ABCA6: variants seen among roughly 807,000 people sequenced by gnomAD.
ABCA6 encodes ATP-binding cassette sub-family A member 6.
ABCA6 carries 164 observed loss-of-function variants against 191.2 expected under a neutral mutation model. That is an observed-to-expected ratio of 0.86 (90% confidence interval 0.76 to 0.98). The LOEUF is 0.98. Among genes scored for constraint, ABCA6 ranks in the 50% least tolerant of loss-of-function variants. The pLI, the probability that ABCA6 is intolerant of heterozygous loss-of-function variation, is 0.00. For synonymous variants in ABCA6, 636 were observed against 647.7 expected (o/e 0.98, Z 0.27); for missense variants, 1,958 against 1,894.1 (o/e 1.03, Z -0.63).
intron 18 of ABCA6, among the ~76,000 whole-genome samples, chr17:69,107,000 A>G (rs2073321151): frequency 6.6e-6 from 1 of 152,164 alleles, no homozygotes; most frequent in Non-Finnish European, 1.5e-5. Context: ...ATAGCCAATC[A>G]TTACACCTAA....
rs1306399098 is a variant in ABCA6 at position 69,103,004 on chromosome 17, G to A, written c.2741-36C>T. On this transcript the variant is annotated intron_variant, in intron 20 of 38. Transcript: ENST00000284425. ...GTTAATAAGAGAAGGCCATAGAAAA[G>A]TAAGAAAATACATATCAAACTTTTA... 7 of 1,306,742 alleles carry A rather than the reference G, an allele frequency of 5.4e-6. No individual in the cohort carries two copies. The South Asian group carries it at 9.4e-5, about 18-fold the overall frequency. 80.9% of individuals were successfully genotyped at this position (1,306,742 alleles called of 1,614,324 possible). A position where few individuals can be genotyped will look rare whatever the true frequency, so the allele number is the denominator to read the frequency against.
chr17:69,124,518 C>T (rs541709958), intron 9 of ABCA6, among the ~76,000 whole-genome samples: 16 of 151,946 alleles, frequency 1.1e-4, no homozygotes, highest in African/African-American at 3.1e-4. Context: ...AATGGCCTCC[C>T]GAGAGCCAAA....
Position 69,114,808 on chromosome 17 carries a change from A to C in ABCA6, c.1736T>G (p.Leu579Arg). ...ATGAATCCCTTTTATTTTAGCAAAC[A>C]GGCTGAGGTTTTCCTTCACGGTGAG... ...DILTVKENLS[L>R]FAKIKGIHLK... The change falls in exon 13 of 39, where the codon CTG (leucine) becomes CGG (arginine). Residue 579 changes from leucine (L) to arginine (R), a missense_variant. Physicochemically the swap from Leu to Arg is moderately radical, Grantham distance 102. Coordinates refer to ENST00000284425, the MANE Select transcript of ABCA6 (RefSeq NM_080284.3). The C allele has an allele frequency of 6.2e-7, 1 of 1,612,382 alleles. No homozygotes were observed. The highest frequency in any genetic ancestry group is 8.5e-7 in the Non-Finnish European group (1 of 1,179,164).
intron 12 of ABCA6, 43 bp from the exon 13 acceptor site, chr17:69,114,980 T>C (rs377306181): frequency 6.9e-4 from 961 of 1,394,296 alleles, no homozygotes; most frequent in Non-Finnish European, 8.6e-4. Flanking sequence ...GATAATACAT[T>C]CTATTAATAT....
chr17:69,114,785 G>A lies in ABCA6; in HGVS notation c.1759C>T (p.His587Tyr), dbSNP rs1399393482. 5.0e-6 allele frequency: 8 copies of A among 1,611,362 alleles called. No homozygotes were observed. Among genetic ancestry groups the A allele is most frequent in the Non-Finnish European group, 6.8e-6 (8 of 1,178,726 alleles). Residue 587 changes from histidine to tyrosine, a missense_variant, in exon 13 of 39, where the codon CAT (histidine) becomes TAT (tyrosine). Physicochemically the swap from His to Tyr is moderately conservative, Grantham distance 83 (BLOSUM62 2). Coordinates refer to ENST00000284425, the MANE Select transcript of ABCA6 (RefSeq NM_080284.3). The part of the protein sequence containing the change: ...LSLFAKIKGI[H>Y]LKEVEQEVQR... ...ACCTCTTGTTCCACTTCCTTTAGAT[G>A]AATCCCTTTTATTTTAGCAAACAGG... is the stretch of plus-strand genomic sequence containing the variant.
chr17:69,139,812 T>C (rs557783357), intron 2 of ABCA6, among the ~76,000 whole-genome samples: 8 of 151,702 alleles, frequency 5.3e-5, no homozygotes, highest in South Asian at 2.1e-4. Flanking sequence ...ATGGATGAAA[T>C]TGGAAATCAT....
At chr17:69,099,323 T>G (rs1206752094) in intron 22 of ABCA6, among the ~76,000 whole-genome samples, 1 of 152,176 alleles carries the variant, frequency 6.6e-6, no homozygotes, top group Non-Finnish European at 1.5e-5. Flanking sequence ...ATTCTGTTTT[T>G]CATCATAGGA....
intron 2 of ABCA6, among the ~76,000 whole-genome samples, 173 bp from the exon 3 acceptor site, chr17:69,137,673 G>A (rs1457551308): frequency 6.6e-6 from 1 of 152,146 alleles, no homozygotes. Context: ...TACTGAGACA[G>A]TAGCCACATT....
intron 5 of ABCA6, 42 bp from the exon 6 acceptor site, chr17:69,133,909 T>G: frequency 7.5e-7 from 1 of 1,327,982 alleles, no homozygotes; most frequent in Non-Finnish European, 1.0e-6. Flanking sequence ...ATTTAAAAGA[T>G]AGAAACTGGT....
intron 4 of ABCA6, among the ~76,000 whole-genome samples, chr17:69,135,053 G>T (rs1485278736): frequency 6.6e-6 from 1 of 151,782 alleles, no homozygotes. Flanking sequence ...GCTAATTTTT[G>T]TATTTTTAGT....
At chr17:69,133,526 G>C in intron 6 of ABCA6, 115 bp downstream of exon 6, 10 of 785,588 alleles carry the variant, frequency 1.3e-5, no homozygotes, top group Non-Finnish European at 2.0e-5. Context: ...CAGAACAAAA[G>C]AAAAAGTAGC....
Position 69,096,315 on chromosome 17 carries a change from G to A in ABCA6, c.3333C>T (p.Phe1111=). The change falls in exon 25 of 39, where the codon TTC becomes TTT. Residue 1111 remains phenylalanine (F), a synonymous_variant. Transcript: ENST00000284425. ...VTPGYAASLV[F]FIYMISFIFR... is the part of the protein sequence containing the mutation. Reference sequence around the variant, plus strand: ...AAATAAATGATATCATATATATGAAGAAGACAAGAGAAGCTGCATAACCAG... The same window carrying A: ...AAATAAATGATATCATATATATGAAAAAGACAAGAGAAGCTGCATAACCAG... 1.3e-6 allele frequency: 2 copies of A among 1,516,878 alleles called. No individual in the cohort carries two copies. Among genetic ancestry groups the A allele is most frequent in the Non-Finnish European group, 1.8e-6 (2 of 1,132,404 alleles). The allele number at this position is 1,516,878 out of a possible 1,614,324, so 94.0% of individuals were successfully genotyped here.
chr17:69,079,132 T>C, intron 38 of ABCA6, 58 bp from the exon 39 acceptor site: 1 of 1,579,254 alleles, frequency 6.3e-7, no homozygotes, highest in Non-Finnish European at 8.7e-7. Context: ...GTTGTTGGTC[T>C]TCCAAATGAA....
At position 69,123,256 on chromosome 17, in the gene ABCA6, T is replaced by A. The variant is rs2073684067; in HGVS notation, c.1419A>T (p.Gln473His). 1.3e-6 allele frequency: 2 copies of A among 1,493,860 alleles called. No homozygotes were observed. The highest frequency in any genetic ancestry group is 2.8e-5 in the African/African-American group (2 of 71,960). The allele number at this position is 1,493,860 out of a possible 1,614,324, so 92.5% of individuals were successfully genotyped here. A position where few individuals can be genotyped will look rare whatever the true frequency, so the allele number is the denominator to read the frequency against. The change falls in exon 10 of 39, where the codon CAA (glutamine) becomes CAT (histidine). Residue 473 changes from glutamine to histidine, a missense_variant. Coordinates refer to ENST00000284425, the MANE Select transcript of ABCA6 (RefSeq NM_080284.3). ...DYFEPVAPEF[Q>H]GKEAIRIRNV... ...GTGATTACCTGATGGCTTCTTTTCC[T>A]TGGAATTCAGGAGCTACTGGTTCAA...
rs1339876158 is a variant in ABCA6 at position 69,129,681 on chromosome 17, A to C, written c.862T>G (p.Phe288Val). 1 of 1,603,954 alleles carries C rather than the reference A, an allele frequency of 6.2e-7. No homozygotes were observed. Among genetic ancestry groups the C allele is most frequent in the Non-Finnish European group, 8.5e-7 (1 of 1,171,456 alleles). The change falls in exon 7 of 39, where the codon TTC becomes GTC. Residue 288 changes from phenylalanine (F) to valine (V), a missense_variant. Transcript: ENST00000284425. ...CCAGTCATGACTATAATTTGGGTGA[A>C]TGTTATGATAATTGTAACGAATATG... Reference protein sequence around the residue: ...ISIFVTIIITFTQIIVMTGFM... With the variant: ...ISIFVTIIITVTQIIVMTGFM...
At chr17:69,104,922 T>A (rs943127335) in intron 20 of ABCA6, 1 of 153,162 alleles carries the variant, frequency 6.5e-6, no homozygotes, top group African/African-American at 2.4e-5. Flanking sequence ...GGAGGTTGCA[T>A]TGAACCAAGA....
At chr17:69,107,939 G>T in intron 17 of ABCA6, 127 bp from the exon 18 acceptor site, 1 of 615,098 alleles carries the variant, frequency 1.6e-6, no homozygotes. Context: ...GAGTATCACA[G>T]TAGTCAAAAG....
intron 16 of ABCA6, chr17:69,111,484 T>G (rs1474785343): frequency 6.6e-6 from 1 of 152,576 alleles, no homozygotes; most frequent in Non-Finnish European, 1.5e-5. Context: ...CATAGGCAGT[T>G]ACCCTCATGC....
rs1252717209 is a variant in ABCA6, at chr17:69,096,818, A to T, written c.3121-17T>A. ...AGCATTTTTCTGATTAAAAAAAAAA[A>T]GAAAGAAAGAAATGTATATAGATTC... is the stretch of plus-strand genomic sequence containing the variant. On this transcript the variant is annotated splice_polypyrimidine_tract_variant and intron_variant, in intron 23 of 38. Coordinates refer to ENST00000284425, the MANE Select transcript of ABCA6 (RefSeq NM_080284.3). 1.3e-6 allele frequency: 2 copies of T among 1,507,018 alleles called. No homozygotes were observed. The highest frequency in any genetic ancestry group is 1.8e-6 in the Non-Finnish European group (2 of 1,132,862). 93.4% of individuals were successfully genotyped at this position (1,507,018 alleles called of 1,614,324 possible).
Sources: allele counts gnomAD v4.1 joint callset (sites outside exome capture counted in the v4.1 genomes callset), GRCh38; gene constraint gnomAD v4.1.1; transcripts MANE v1.5; gene names NCBI Gene and HGNC (gene_info 2026-07-23, HGNC 2026-07-21).